IPO11: variants seen among roughly 807,000 people sequenced by gnomAD.
The protein encoded by IPO11 is importin 11.
In IPO11, 66 loss-of-function variants were observed where a neutral mutation model predicts 143.2. The observed-to-expected ratio is 0.46, with a 90% CI of 0.38 to 0.57. IPO11 has a LOEUF of 0.57. Ranked by LOEUF, IPO11 falls within the 20% of genes least tolerant of loss-of-function variation. The pLI, the probability that IPO11 is intolerant of heterozygous loss-of-function variation, is 0.00. For synonymous variants in IPO11, 385 were observed against 377.8 expected, an observed-to-expected ratio of 1.02 and a Z score of -0.22; for missense variants, 1,026 against 1,141.0, an observed-to-expected ratio of 0.90 and a Z score of 1.45.
chr5:62,452,993 G>A (rs1451761940), intron 5 of IPO11, among the ~76,000 whole-genome samples: 2 of 150,374 alleles, frequency 1.3e-5, no homozygotes, highest in East Asian at 1.9e-4. Context: ...AGTGTTCTTT[G>A]TTACCTTCTG....
At chr5:62,579,099 A>G (rs971618706) in intron 27 of IPO11, among the ~76,000 whole-genome samples, 3 of 152,124 alleles carry the variant, frequency 2.0e-5, no homozygotes, top group African/African-American at 7.2e-5. Context: ...TATTAAATTC[A>G]AAGATTCTCA....
chr5:62,503,351 TTAATATATTAATAGTATCTAC>T (rs1561338219), intron 16 of IPO11, among the ~76,000 whole-genome samples: 169 of 105,852 alleles, frequency 1.6e-3, no homozygotes, highest in Middle Eastern at 0.014. Flanking sequence ...ATAGTATCTA[TTAATATATTAATAGTATCTAC>T]TAATATATTA....
At chr5:62,547,809 T>C (rs547750651) in intron 24 of IPO11, among the ~76,000 whole-genome samples, 203 of 152,246 alleles carry the variant, frequency 1.3e-3, no homozygotes, top group African/African-American at 4.5e-3. Context: ...TATGTATTAT[T>C]ACTATAAATT....
At chr5:62,580,026 A>C (rs946129717) in intron 27 of IPO11, 1 of 1,551,200 alleles carries the variant, frequency 6.4e-7, no homozygotes, top group African/African-American at 1.4e-5. Context: ...TGAGGATATC[A>C]GAATCAGGCT....
chr5:62,625,675 G>GA (rs1299025681), intron 29 of IPO11, among the ~76,000 whole-genome samples: 1 of 152,242 alleles, frequency 6.6e-6, no homozygotes, highest in African/African-American at 2.4e-5. Context: ...TAGTTGTGAT[G>GA]AAGTCATTAA....
At position 62,509,242 on chromosome 5, in the gene IPO11, A is replaced by T. The variant is rs79051540; in HGVS notation, c.1782+2885A>T. ...GGCCTGTGCATTTCTGAAGTGAAAG[A>T]ACAAAATTAAAGGGACTCTGTGAAA... is the stretch of plus-strand genomic sequence containing the variant. On this transcript the variant is annotated intron_variant, in intron 19 of 29. Transcript: ENST00000325324. 8.7e-3 allele frequency among the ~76,000 whole-genome samples: 1,320 copies of T among 152,336 alleles called. 12 individuals carry two copies. The highest frequency in any genetic ancestry group is 0.031 in the South Asian group (152 of 4,830).
intron 29 of IPO11, among the ~76,000 whole-genome samples, chr5:62,615,201 T>TTTCCA (rs1746086428): frequency 6.6e-6 from 1 of 152,092 alleles, no homozygotes; most frequent in Admixed American, 6.6e-5. Context: ...GGCTTGAGGG[T>TTTCCA]GAGGCCTTTG....
intron 1 of IPO11, among the ~76,000 whole-genome samples, chr5:62,414,612 CTT>C (rs1743226090): frequency 1.3e-5 from 2 of 152,288 alleles, no homozygotes; most frequent in South Asian, 4.1e-4. Flanking sequence ...CTTTGTAGAG[CTT>C]AAGTTGCATC....
rs540698718 is a variant in IPO11, at chr5:62,480,629, A to T, written c.829-2472A>T. The stretch of plus-strand genomic sequence containing the variant: ...CTTATTTTGTTGAGCAGTGGTTTGT[A>T]GTTCTTCTTGAAGAAGTCCTTCACA... On this transcript the variant is annotated intron_variant, in intron 9 of 29. Coordinates refer to ENST00000325324, the MANE Select transcript of IPO11 (RefSeq NM_016338.5). Among the ~76,000 whole-genome samples, 3 of 152,256 alleles carry T rather than the reference A, an allele frequency of 2.0e-5. No homozygotes were observed. In the East Asian group the frequency reaches 5.8e-4, roughly 29 times the overall value.
intron 21 of IPO11, among the ~76,000 whole-genome samples, chr5:62,529,050 G>A (rs563810417): frequency 4.7e-4 from 71 of 152,088 alleles, no homozygotes; most frequent in South Asian, 1.9e-3. Flanking sequence ...CTGCTCTTAT[G>A]TTTATTATCT....
chr5:62,419,068 G>A, intron 1 of IPO11: 1 of 1,551,148 alleles, frequency 6.4e-7, no homozygotes. Context: ...ATTGTATCTA[G>A]GCTATAAGCC....
chr5:62,541,335 C>T lies in IPO11; in HGVS notation c.2250+4046C>T, dbSNP rs923493751. ...GTGGTGAGCCGAGATGACGCCATTG[C>T]ACTTCAGCCTGGGCAACAAGAGCGA... is the stretch of plus-strand genomic sequence containing the variant. On this transcript the variant is annotated intron_variant, in intron 24 of 29. Coordinates refer to ENST00000325324, the MANE Select transcript of IPO11 (RefSeq NM_016338.5). Among the ~76,000 whole-genome samples, 3 of 149,466 alleles carry T rather than the reference C, an allele frequency of 2.0e-5. No homozygotes were observed. In the Admixed American group the frequency reaches 2.0e-4, roughly 10 times the overall value.
chr5:62,431,317 T>C (rs1298463556), intron 1 of IPO11, among the ~76,000 whole-genome samples: 1 of 151,974 alleles, frequency 6.6e-6, no homozygotes, highest in Admixed American at 6.6e-5. Flanking sequence ...TTCCTTCCTT[T>C]CCCACCAGGC....
At chr5:62,550,484 C>A in intron 25 of IPO11, 22 bp downstream of exon 25, 1 of 1,498,002 alleles carries the variant, frequency 6.7e-7, no homozygotes, top group Non-Finnish European at 9.3e-7. Context: ...CTTTAAGTTC[C>A]AAAGGTAGTG....
At chr5:62,573,450 G>GTGAGTTAGATTT (rs1194072533) in intron 27 of IPO11, among the ~76,000 whole-genome samples, 3 of 152,134 alleles carry the variant, frequency 2.0e-5, no homozygotes, top group Non-Finnish European at 4.4e-5. Context: ...TTTTAAAGTT[G>GTGAGTTAGATTT]TGAGTTAGAT....
At chr5:62,462,486 A>G (rs74685765) in intron 5 of IPO11, among the ~76,000 whole-genome samples, 1 of 143,808 alleles carries the variant, frequency 7.0e-6, no homozygotes, top group Non-Finnish European at 1.5e-5. Flanking sequence ...GCAATGCCTG[A>G]AAAAAAAAAA....
intron 27 of IPO11, chr5:62,578,648 G>C: frequency 2.1e-6 from 1 of 465,174 alleles, no homozygotes; most frequent in Non-Finnish European, 4.4e-6. Context: ...AAGTTCCTGA[G>C]ATTTCCGTTC....
At chr5:62,473,848 T>C (rs549359032) in intron 7 of IPO11, among the ~76,000 whole-genome samples, 12 of 152,326 alleles carry the variant, frequency 7.9e-5, no homozygotes, top group Admixed American at 7.8e-4. Context: ...ACCTAGCTGG[T>C]ATATGTTGAT....
intron 28 of IPO11, among the ~76,000 whole-genome samples, chr5:62,599,393 A>G (rs1229496403): frequency 2.6e-5 from 4 of 152,218 alleles, no homozygotes; most frequent in African/African-American, 9.6e-5. Context: ...AGTAGAGAAA[A>G]GTTCATTTAG....
Sources: gnomAD v4.1 joint callset for allele counts (sites outside exome capture counted in the v4.1 genomes callset) on GRCh38, gnomAD v4.1.1 for gene constraint, MANE v1.5 for transcripts, NCBI Gene and HGNC (gene_info 2026-07-23, HGNC 2026-07-21) for gene names.